Variants in TMEM160 observed in about 807,000 individuals in gnomAD.
TMEM160 encodes transmembrane protein 160.
TMEM160 carries 10 observed loss-of-function variants against 13.9 expected under a neutral mutation model. That is an observed-to-expected ratio of 0.72 (90% CI 0.45 to 1.22). The LOEUF (loss-of-function observed/expected upper bound fraction) is 1.22. Ranked by LOEUF, TMEM160 falls within the 50% of genes most tolerant of loss-of-function variation. The pLI, the probability that TMEM160 is intolerant of heterozygous loss-of-function variation, is 0.00. For synonymous variants in TMEM160, 159 were observed against 134.8 expected (o/e 1.18, Z -1.25); for missense variants, 287 against 283.2 (o/e 1.01, Z -0.10).
At chr19:47,047,275 A>C (rs2057085551) in intron 1 of TMEM160, 1 of 985,346 alleles carries the variant, frequency 1.0e-6, no homozygotes, top group African/African-American at 1.7e-5. Flanking sequence ...GCAAAGTTGC[A>C]GAACCTCCAT....
chr19:47,046,530 G>A, intron 2 of TMEM160, 63 bp downstream of exon 2: 1 of 1,353,518 alleles, frequency 7.4e-7, no homozygotes, highest in South Asian at 1.2e-5. Flanking sequence ...CTCTCACCAG[G>A]GCAGGTGATA....
chr19:47,045,943 C>A lies in TMEM160; in HGVS notation c.*44G>T. On this transcript the variant is annotated 3_prime_UTR_variant, in exon 3 of 3. Transcript: ENST00000253047. ...GGAGGTCAGGTTTAATGTCCCAGTC[C>A]TCGGGCGCTGTCCAGCGCCTGCCAG... The A allele has an allele frequency of 1.9e-5, 29 of 1,496,234 alleles. No homozygotes were observed. Among genetic ancestry groups the A allele is most frequent in the Non-Finnish European group, 2.6e-5 (29 of 1,131,116 alleles). 92.7% of individuals were successfully genotyped at this position (1,496,234 alleles called of 1,614,324 possible).
intron 1 of TMEM160, 58 bp from the exon 2 acceptor site, chr19:47,046,743 C>T: frequency 1.5e-6 from 2 of 1,309,382 alleles, no homozygotes; most frequent in Non-Finnish European, 2.2e-6. Context: ...CTCCTCAATC[C>T]CCCTTACCCA....
At position 47,048,584 on chromosome 19, in the gene TMEM160, C is replaced by A; in HGVS notation, c.31G>T (p.Ala11Ser). ...CGGAAGCGAAGACGGGCAAGGCGAG[C>A]GGCCCGAGCCCACCACCAGCCGCCT... MGGGWWWARA[A>S]RLARLRFRRS... The change falls in exon 1 of 3, where the codon GCT (alanine) becomes TCT (serine). Residue 11 changes from alanine to serine, a missense_variant. Coordinates refer to ENST00000253047, the MANE Select transcript of TMEM160 (RefSeq NM_017854.2). 6.6e-7 allele frequency: 1 copy of A among 1,523,936 alleles called. No homozygotes were observed. Among genetic ancestry groups the A allele is most frequent in the Non-Finnish European group, 8.7e-7 (1 of 1,145,212 alleles). 94.4% of individuals were successfully genotyped at this position (1,523,936 alleles called of 1,614,324 possible).
At chr19:47,048,331 C>G in intron 1 of TMEM160, 76 bp downstream of exon 1, 2 of 1,264,884 alleles carry the variant, frequency 1.6e-6, no homozygotes. Context: ...CCTGCAGAAG[C>G]CCCCGCCCCA....
chr19:47,047,963 G>T (rs1430319255), intron 1 of TMEM160: 1 of 983,498 alleles, frequency 1.0e-6, no homozygotes, highest in African/African-American at 1.7e-5. Context: ...AATCAGCAGA[G>T]AGCTTTCTCC....
chr19:47,048,483 G>C lies in TMEM160; in HGVS notation c.132C>G (p.Arg44=). 7.1e-7 allele frequency: 1 copy of C among 1,415,534 alleles called. No individual in the cohort carries two copies. The highest frequency in any genetic ancestry group is 9.1e-7 in the Non-Finnish European group (1 of 1,096,668). The allele number at this position is 1,415,534 out of a possible 1,614,324, so 87.7% of individuals were successfully genotyped here. ...ACACTGGGGGCGGCGAAGCCCCGGC[G>C]CGGGGACCGTGGCCGGGGGCGAAGG... ...RGSFAPGHGP[R]AGASPPPVSE... is the part of the protein sequence containing the mutation. Residue 44 remains arginine (R), a synonymous_variant, in exon 1 of 3, where the codon CGC becomes CGG. Transcript: ENST00000253047.
intron 1 of TMEM160, chr19:47,047,885 C>T: frequency 1.0e-6 from 1 of 984,890 alleles, no homozygotes; most frequent in Non-Finnish European, 1.2e-6. Context: ...CATGGCCAGT[C>T]CGCTCCATTC....
At position 47,048,304 on chromosome 19, in the gene TMEM160, G is replaced by A. The variant is rs1047353785; in HGVS notation, c.208+103C>T. 3.4e-5 allele frequency: 36 copies of A among 1,068,078 alleles called. No homozygotes were observed. In the East Asian group the frequency reaches 9.2e-4, roughly 27 times the overall value. 66.2% of individuals were successfully genotyped at this position (1,068,078 alleles called of 1,614,324 possible). A position where few individuals can be genotyped will look rare whatever the true frequency, so the allele number is the denominator to read the frequency against. ...TCACACTGAAGCCCTTCTCGGAGCC[G>A]AGCCCGGGCCCCGTTTCCTGCAGAA... is the stretch of plus-strand genomic sequence containing the variant. On this transcript the variant is annotated intron_variant, in intron 1 of 2. Coordinates refer to ENST00000253047, the MANE Select transcript of TMEM160 (RefSeq NM_017854.2).
rs1335183476 is a variant in TMEM160 at position 47,048,467 on chromosome 19, G to A, written c.148C>T (p.Pro50Ser). 1.4e-6 allele frequency: 2 copies of A among 1,408,768 alleles called. No homozygotes were observed. The highest frequency in any genetic ancestry group is 2.6e-4 in the Middle Eastern group (1 of 3,832). 87.3% of individuals were successfully genotyped at this position (1,408,768 alleles called of 1,614,324 possible). A position where few individuals can be genotyped will look rare whatever the true frequency, so the allele number is the denominator to read the frequency against. The change falls in exon 1 of 3, where the codon CCC (proline) becomes TCC (serine). Residue 50 changes from proline to serine, a missense_variant. Coordinates refer to ENST00000253047, the MANE Select transcript of TMEM160 (RefSeq NM_017854.2). ...GHGPRAGASP[P>S]PVSELDRADA... ...GCACGATCCAGCTCGGACACTGGGG[G>A]CGGCGAAGCCCCGGCGCGGGGACCG...
rs1441709400 is a variant in TMEM160 at position 47,048,517 on chromosome 19, G to C, written c.98C>G (p.Ala33Gly). The change falls in exon 1 of 3, where the codon GCC becomes GGC. Residue 33 changes from alanine (A) to glycine (G), a missense_variant. By Grantham distance (60) the Ala-to-Gly change is moderately conservative. Transcript: ENST00000253047. ...LPPQRPRSGG[A>G]RGSFAPGHGP... is the part of the protein sequence containing the mutation. ...GTGGCCGGGGGCGAAGGACCCCCGG[G>C]CGCCCCCGCTCCGGGGCCGCTGAGG... 3.4e-5 allele frequency: 50 copies of C among 1,471,078 alleles called. No individual in the cohort carries two copies. Among genetic ancestry groups the C allele is most frequent in the Non-Finnish European group, 4.5e-5 (50 of 1,119,558 alleles). 91.1% of individuals were successfully genotyped at this position (1,471,078 alleles called of 1,614,324 possible).
Position 47,046,130 on chromosome 19 carries a change from C to A in TMEM160, c.424G>T (p.Val142Leu). Residue 142 changes from valine (V) to leucine (L), a missense_variant, in exon 3 of 3, where the codon GTG becomes TTG. By Grantham distance (32) the Val-to-Leu change is conservative. Transcript: ENST00000253047. The part of the protein sequence containing the change: ...LGGAAVGAGA[V>L]LAASLLWACA... ...GCCCAGAGCAGGCTGGCGGCCAGCA[C>A]GGCGCCCGCGCCCACGGCCGCGCCC... The A allele has an allele frequency of 6.7e-7, 1 of 1,489,206 alleles. No individual in the cohort carries two copies. Among genetic ancestry groups the A allele is most frequent in the Non-Finnish European group, 8.9e-7 (1 of 1,127,720 alleles). The allele number at this position is 1,489,206 out of a possible 1,614,324, so 92.2% of individuals were successfully genotyped here.
chr19:47,047,455 C>T (rs1599931408), intron 1 of TMEM160: 1 of 984,914 alleles, frequency 1.0e-6, no homozygotes, highest in Non-Finnish European at 1.2e-6. Flanking sequence ...ATGGCCTGGG[C>T]CAATCCCATC....
In TMEM160 at chr19:47,048,530, G is replaced by C. The variant is rs1350923810; in HGVS notation, c.85C>G (p.Arg29Gly). Residue 29 changes from arginine (R) to glycine (G), a missense_variant, in exon 1 of 3, where the codon CGG (arginine) becomes GGG (glycine). Transcript: ENST00000253047. ...RRSLLPPQRP[R>G]SGGARGSFAP... ...AAGGACCCCCGGGCGCCCCCGCTCCGGGGCCGCTGAGGCGGCAGTAGCGAC... is the reference window on the plus strand; with the variant it reads ...AAGGACCCCCGGGCGCCCCCGCTCCCGGGCCGCTGAGGCGGCAGTAGCGAC... 1.1e-5 allele frequency: 16 copies of C among 1,493,988 alleles called. No homozygotes were observed. Among genetic ancestry groups the C allele is most frequent in the Middle Eastern group, 2.4e-4 (1 of 4,244 alleles). 92.5% of individuals were successfully genotyped at this position (1,493,988 alleles called of 1,614,324 possible). A position where few individuals can be genotyped will look rare whatever the true frequency, so the allele number is the denominator to read the frequency against.
chr19:47,046,280 G>GC, intron 2 of TMEM160, 28 bp from the exon 3 acceptor site: 2 of 1,519,076 alleles, frequency 1.3e-6, no homozygotes, highest in African/African-American at 1.4e-5. Flanking sequence ...TAGCAACAGG[G>GC]CCAAGGTCGG....
At chr19:47,046,291 G>C in intron 2 of TMEM160, 39 bp from the exon 3 acceptor site, 1 of 1,509,098 alleles carries the variant, frequency 6.6e-7, no homozygotes, top group South Asian at 1.3e-5. Flanking sequence ...CCAAGGTCGG[G>C]GGATGGTCTG....
chr19:47,047,734 T>C (rs2057088498), intron 1 of TMEM160: 5 of 539,074 alleles, frequency 9.3e-6, no homozygotes, highest in Non-Finnish European at 1.2e-5. Flanking sequence ...TAGCTCCAGC[T>C]AAGCAGGAGG....
In TMEM160 at chr19:47,048,571, C is replaced by T. The variant is rs1179540769; in HGVS notation, c.44G>A (p.Arg15His). 2 of 1,519,468 alleles carry T rather than the reference C, an allele frequency of 1.3e-6. No homozygotes were observed. The highest frequency in any genetic ancestry group is 1.8e-6 in the Non-Finnish European group (2 of 1,142,452). The allele number at this position is 1,519,468 out of a possible 1,614,324, so 94.1% of individuals were successfully genotyped here. A position where few individuals can be genotyped will look rare whatever the true frequency, so the allele number is the denominator to read the frequency against. The change falls in exon 1 of 3, where the codon CGT becomes CAT. Residue 15 changes from arginine to histidine, a missense_variant. Transcript: ENST00000253047. ...WWWARAARLA[R>H]LRFRRSLLPP... ...CAGTAGCGACCTCCGGAAGCGAAGA[C>T]GGGCAAGGCGAGCGGCCCGAGCCCA...
At chr19:47,048,382 A>C in intron 1 of TMEM160, 25 bp downstream of exon 1, 1 of 1,476,640 alleles carries the variant, frequency 6.8e-7, no homozygotes, top group Non-Finnish European at 8.9e-7. Flanking sequence ...TCCCATCCGC[A>C]CCGCCCCCAC....
Sources: gnomAD v4.1 joint callset for allele counts on GRCh38, gnomAD v4.1.1 for gene constraint, MANE v1.5 for transcripts, NCBI Gene and HGNC (gene_info 2026-07-23, HGNC 2026-07-21) for gene names.